Variants in NLGN4X observed in about 807,000 individuals in gnomAD.
The protein encoded by NLGN4X is neuroligin-4, X-linked.
NLGN4X carries 3 observed loss-of-function variants against 40.3 expected under a neutral mutation model. The ratio of observed to expected loss-of-function variants is 0.07; its 90% confidence interval spans 0.03 to 0.19. The LOEUF is 0.19. Ranked by LOEUF, NLGN4X falls within the 10% of genes least tolerant of loss-of-function variation. NLGN4X has a pLI of 1.00. For synonymous variants in NLGN4X, 270 were observed against 306.8 expected (o/e 0.88, Z 1.25); for missense variants, 382 against 708.3 (o/e 0.54, Z 5.23).
In NLGN4X at chrX:5,909,259, AT is replaced by A; in HGVS notation, c.626-21del. On this transcript the variant is annotated intron_variant, in intron 3 of 5. Transcript: ENST00000381095. ...AAAACCCTACAAAAGAACACAAGATATTTTTGGTGGCCAAATAGAAAAAGTG... is the reference window on the plus strand; with the variant it reads ...AAAACCCTACAAAAGAACACAAGATATTTTGGTGGCCAAATAGAAAAAGTG... 1.7e-6 allele frequency: 2 copies of A among 1,208,605 alleles called. No homozygotes were observed. Among genetic ancestry groups the A allele is most frequent in the Non-Finnish European group, 2.2e-6 (2 of 892,696 alleles).
intron 3 of NLGN4X, among the ~76,000 whole-genome samples, chrX:5,945,040 T>C (rs575400624): frequency 1.8e-5 from 2 of 112,024 alleles, no homozygotes; most frequent in South Asian, 7.4e-4. Context: ...TAAAACAAAA[T>C]AATAAGTAAC....
At chrX:6,125,689 C>A (rs1287841967) in intron 2 of NLGN4X, among the ~76,000 whole-genome samples, 1 of 111,237 alleles carries the variant, frequency 9.0e-6, no homozygotes, top group East Asian at 2.8e-4. Flanking sequence ...CTAAAAATCT[C>A]CCACATAAAA....
At chrX:6,091,432 A>G (rs772947090) in intron 2 of NLGN4X, among the ~76,000 whole-genome samples, 2 of 111,463 alleles carry the variant, frequency 1.8e-5, no homozygotes, top group Non-Finnish European at 3.8e-5. Context: ...GTGTTCCAGA[A>G]AATGGAACCC....
At chrX:6,190,672 C>G (rs1028879475) in intron 1 of NLGN4X, among the ~76,000 whole-genome samples, 27 of 111,891 alleles carry the variant, frequency 2.4e-4, no homozygotes, top group African/African-American at 7.8e-4. Flanking sequence ...AATGTCCAGA[C>G]AGTGAGAAGG....
At chrX:6,176,523 G>A (rs757483694) in intron 1 of NLGN4X, among the ~76,000 whole-genome samples, 91 of 112,107 alleles carry the variant, frequency 8.1e-4, no homozygotes, top group African/African-American at 2.8e-3. Context: ...AGCAGACCTC[G>A]AAATGGGGAG....
At chrX:5,904,256 A>T (rs929733367) in intron 4 of NLGN4X, among the ~76,000 whole-genome samples, 2 of 111,689 alleles carry the variant, frequency 1.8e-5, no homozygotes, top group African/African-American at 6.5e-5. Flanking sequence ...TTCCAAGAAA[A>T]AAAATGCTTT....
At chrX:5,908,936 AT>A in intron 4 of NLGN4X, 117 bp downstream of exon 4, 2 of 811,416 alleles carry the variant, frequency 2.5e-6, no homozygotes, top group Non-Finnish European at 3.5e-6. Context: ...TCTTTTGGGC[AT>A]TTTCTGTTGC....
rs746041687 is a variant in NLGN4X, at chrX:5,903,094, C to T, written c.1584G>A (p.Thr528=). 7 of 1,212,015 alleles carry T rather than the reference C, an allele frequency of 5.8e-6. No homozygotes were observed. Among genetic ancestry groups the T allele is most frequent in the Non-Finnish European group, 4.5e-6 (4 of 895,580 alleles). ...MLSAVVMTYW[T]NFAKTGDPNQ... Reference sequence around the variant, plus strand: ...GAACGTACCCAGTTTTGGCGAAGTTCGTCCAGTAGGTCATGACCACGGCGC... The same window carrying T: ...GAACGTACCCAGTTTTGGCGAAGTTTGTCCAGTAGGTCATGACCACGGCGC... Residue 528 remains threonine (T), a synonymous_variant, in exon 5 of 6, where the codon ACG becomes ACA. Coordinates refer to ENST00000381095, the MANE Select transcript of NLGN4X (RefSeq NM_181332.3).
intron 2 of NLGN4X, among the ~76,000 whole-genome samples, chrX:6,060,724 T>C (rs2037747500): frequency 9.0e-6 from 1 of 111,323 alleles, no homozygotes; most frequent in Non-Finnish European, 1.9e-5. Flanking sequence ...CACTAACCCA[T>C]TTACCCATGT....
chrX:5,892,748 CT>C lies in NLGN4X; in HGVS notation c.*68del, dbSNP rs2031246027. 5 of 1,174,350 alleles carry C rather than the reference CT, an allele frequency of 4.3e-6. No homozygotes were observed. Among genetic ancestry groups the C allele is most frequent in the Non-Finnish European group, 5.8e-6 (5 of 866,821 alleles). ...TTTCTTTCTCTCTCTCTTTCCTTCTCTCTTTCCTTCCCTCTTCTATGTTGCT... is the reference window on the plus strand; with the variant it reads ...TTTCTTTCTCTCTCTCTTTCCTTCTCCTTTCCTTCCCTCTTCTATGTTGCT... On this transcript the variant is annotated 3_prime_UTR_variant, in exon 6 of 6. Coordinates refer to ENST00000381095, the MANE Select transcript of NLGN4X (RefSeq NM_181332.3).
intron 2 of NLGN4X, among the ~76,000 whole-genome samples, chrX:6,060,399 C>T (rs962583887): frequency 4.5e-5 from 5 of 111,577 alleles, no homozygotes; most frequent in Non-Finnish European, 5.6e-5. Context: ...AACTCCAACC[C>T]TGGTGAAATC....
At chrX:6,223,517 CCTT>C (rs1434752468) in intron 1 of NLGN4X, among the ~76,000 whole-genome samples, 4 of 112,480 alleles carry the variant, frequency 3.6e-5, no homozygotes, top group Middle Eastern at 4.2e-3. Context: ...GGAGCTATCA[CCTT>C]CTTTTTTTTC....
At chrX:5,957,951 T>C (rs1039030662) in intron 3 of NLGN4X, among the ~76,000 whole-genome samples, 2 of 112,611 alleles carry the variant, frequency 1.8e-5, no homozygotes, top group African/African-American at 6.5e-5. Flanking sequence ...ATTGTATTTT[T>C]TCTAAAGACT....
Position 5,892,333 on chromosome X carries a change from T to C in NLGN4X, c.*484A>G, listed in dbSNP as rs746142478. 2.3e-5 allele frequency: 4 copies of C among 170,774 alleles called. No homozygotes were observed. The highest frequency in any genetic ancestry group is 2.4e-4 in the South Asian group (2 of 8,173). The allele number at this position is 170,774 out of a possible 1,213,427, so 14.1% of individuals were successfully genotyped here. A position where few individuals can be genotyped will look rare whatever the true frequency, so the allele number is the denominator to read the frequency against. On this transcript the variant is annotated 3_prime_UTR_variant, in exon 6 of 6. Transcript: ENST00000381095. ...TCCTTCTCTCTGGATTACAGCTCCA[T>C]GTGCTGGGCAAAATCTCATTGACTC...
At chrX:5,920,027 T>C (rs1469279250) in intron 3 of NLGN4X, among the ~76,000 whole-genome samples, 1 of 112,064 alleles carries the variant, frequency 8.9e-6, no homozygotes. Flanking sequence ...AAGAAACTTT[T>C]GCATAACCCT....
chrX:6,059,963 T>G (rs2037729306), intron 2 of NLGN4X, among the ~76,000 whole-genome samples: 1 of 112,070 alleles, frequency 8.9e-6, no homozygotes, highest in Non-Finnish European at 1.9e-5. Flanking sequence ...TTACTACTCT[T>G]GGATAAAAAT....
At position 6,162,659 on chromosome X, in the gene NLGN4X, C is replaced by A. The variant is rs756357266; in HGVS notation, c.-305-10888G>T. 5.4e-5 allele frequency among the ~76,000 whole-genome samples: 6 copies of A among 111,001 alleles called. No individual in the cohort carries two copies. In the South Asian group the frequency reaches 1.5e-3, roughly 29 times the overall value. On this transcript the variant is annotated intron_variant, in intron 1 of 5. Coordinates refer to ENST00000381095, the MANE Select transcript of NLGN4X (RefSeq NM_181332.3). ...GAACAAATACTACTTGATAAACTCC[C>A]CTTTATATATCTATCTGTCCTATTA...
At chrX:5,931,425 G>A (rs1365444389) in intron 3 of NLGN4X, among the ~76,000 whole-genome samples, 1 of 111,800 alleles carries the variant, frequency 8.9e-6, no homozygotes, top group Non-Finnish European at 1.9e-5. Context: ...AAGTATATAT[G>A]TTGCATTTCC....
At chrX:6,191,667 T>C (rs1009710107) in intron 1 of NLGN4X, among the ~76,000 whole-genome samples, 4 of 111,531 alleles carry the variant, frequency 3.6e-5, no homozygotes, top group African/African-American at 1.3e-4. Flanking sequence ...AAGACCAGCC[T>C]GGCCAACATG....
Sources: allele counts gnomAD v4.1 joint callset (sites outside exome capture counted in the v4.1 genomes callset), GRCh38; gene constraint gnomAD v4.1.1; transcripts MANE v1.5; gene names NCBI Gene and HGNC (gene_info 2026-07-23, HGNC 2026-07-21).